PHTF2: variants seen among roughly 807,000 people sequenced by gnomAD.
The protein encoded by PHTF2 is protein PHTF2.
Under a neutral mutation model 101.2 loss-of-function variants are expected in PHTF2, and 60 were observed. The observed-to-expected ratio is 0.59, with a 90% confidence interval of 0.48 to 0.73. The LOEUF (loss-of-function observed/expected upper bound fraction) is 0.73. PHTF2 is among the 30% of genes least tolerant of loss of function. The pLI is 0.00. For missense variants in PHTF2, 747 were observed against 908.7 expected (o/e 0.82, Z 2.29); for synonymous variants, 311 against 307.3 (o/e 1.01, Z -0.13).
chr7:77,921,486 TAAAGA>T (rs1181238789), intron 10 of PHTF2, among the ~76,000 whole-genome samples: 1 of 152,166 alleles, frequency 6.6e-6, no homozygotes, highest in Non-Finnish European at 1.5e-5. Flanking sequence ...TTAAGGAAAA[TAAAGA>T]AAAGAGGATT....
At chr7:77,872,067 G>A (rs1798565608) in intron 3 of PHTF2, among the ~76,000 whole-genome samples, 2 of 152,194 alleles carry the variant, frequency 1.3e-5, no homozygotes, top group African/African-American at 4.8e-5. Flanking sequence ...GCCATATGGA[G>A]GGCTCAGTGT....
At chr7:77,847,635 TACAA>T (rs1174463781) in intron 2 of PHTF2, among the ~76,000 whole-genome samples, 1 of 152,238 alleles carries the variant, frequency 6.6e-6, no homozygotes, top group Non-Finnish European at 1.5e-5. Flanking sequence ...GATATTTTGA[TACAA>T]ACATATAATC....
In PHTF2 at chr7:77,890,022, GC is replaced by G. The variant is rs59593439; in HGVS notation, c.148-3577del. On this transcript the variant is annotated intron_variant, in intron 3 of 19. Coordinates refer to ENST00000416283, the Ensembl canonical transcript of PHTF2. ...ATCTAGTTTAAAAAAATTAAGACGC[GC>G]CCCCCCCCACCACCATGAGACATTC... Among the ~76,000 whole-genome samples, 1,308 of 146,110 alleles carry G rather than the reference GC, an allele frequency of 9.0e-3. 24 individuals are homozygous for G. The highest frequency in any genetic ancestry group is 0.031 in the African/African-American group (1,217 of 39,114).
intron 1 of PHTF2, among the ~76,000 whole-genome samples, chr7:77,814,757 C>T (rs564254223): frequency 1.6e-3 from 240 of 152,004 alleles, no homozygotes; most frequent in Non-Finnish European, 2.6e-3. Context: ...TGAGCCACCG[C>T]GCCCGGTCTG....
intron 8 of PHTF2, 91 bp from the exon 8 acceptor site, chr7:77,910,153 GT>G (rs1272996238): frequency 3.2e-6 from 3 of 950,130 alleles, no homozygotes; most frequent in Non-Finnish European, 4.7e-6. Flanking sequence ...AAGTTCCTGT[GT>G]TTATGTTTTC....
At chr7:77,847,989 C>G (rs1796443129) in intron 2 of PHTF2, among the ~76,000 whole-genome samples, 1 of 152,208 alleles carries the variant, frequency 6.6e-6, no homozygotes, top group Non-Finnish European at 1.5e-5. Context: ...GCTTATTTCA[C>G]TTAATATAAT....
At chr7:77,856,352 CTTAT>C (rs143564629) in intron 3 of PHTF2, among the ~76,000 whole-genome samples, 5,264 of 151,946 alleles carry the variant, frequency 0.035, 326 homozygotes, top group African/African-American at 0.12. Context: ...AAAATTTTTA[CTTAT>C]TTATTTATTT....
At chr7:77,849,418 G>A (rs981800353) in intron 2 of PHTF2, among the ~76,000 whole-genome samples, 1 of 152,076 alleles carries the variant, frequency 6.6e-6, no homozygotes, top group African/African-American at 2.4e-5. Context: ...GATTACAGGC[G>A]TGAGCCACTG....
At chr7:77,810,844 C>A (rs1482898882) in intron 1 of PHTF2, among the ~76,000 whole-genome samples, 2 of 151,876 alleles carry the variant, frequency 1.3e-5, no homozygotes, top group African/African-American at 2.4e-5. Flanking sequence ...AGCTGAATGA[C>A]CTTCAATTTG....
At chr7:77,817,791 A>G (rs749098144) in intron 1 of PHTF2, among the ~76,000 whole-genome samples, 1 of 152,008 alleles carries the variant, frequency 6.6e-6, no homozygotes, top group African/African-American at 2.4e-5. Context: ...TTTAAATTGG[A>G]TTGTTTGTTT....
At chr7:77,885,559 C>T (rs1014214174) in intron 3 of PHTF2, among the ~76,000 whole-genome samples, 2 of 152,174 alleles carry the variant, frequency 1.3e-5, no homozygotes, top group Non-Finnish European at 2.9e-5. Context: ...ATTCTCCTGC[C>T]TCAGCCTCCT....
intron 1 of PHTF2, among the ~76,000 whole-genome samples, chr7:77,815,919 TTTG>T (rs1793815010): frequency 6.6e-6 from 1 of 152,210 alleles, no homozygotes; most frequent in Non-Finnish European, 1.5e-5. Flanking sequence ...AAGCTTCATT[TTTG>T]TTGTTTTTTT....
intron 2 of PHTF2, among the ~76,000 whole-genome samples, chr7:77,847,663 T>A (rs1796410231): frequency 6.6e-6 from 1 of 152,234 alleles, no homozygotes; most frequent in African/African-American, 2.4e-5. Context: ...TCACTGTAAA[T>A]GGAGTATCCA....
At chr7:77,867,326 G>T in intron 3 of PHTF2, among the ~76,000 whole-genome samples, 1 of 152,074 alleles carries the variant, frequency 6.6e-6, no homozygotes, top group East Asian at 1.9e-4. Context: ...GGTCGTTTTT[G>T]TGGATGGATA....
At chr7:77,852,076 A>G (rs1246677643) in intron 2 of PHTF2, among the ~76,000 whole-genome samples, 1 of 152,186 alleles carries the variant, frequency 6.6e-6, no homozygotes, top group Non-Finnish European at 1.5e-5. Flanking sequence ...CCCAGGCTGC[A>G]GTGCAGTGGC....
At chr7:77,906,887 A>G (rs1801907807) in intron 7 of PHTF2, among the ~76,000 whole-genome samples, 1 of 150,418 alleles carries the variant, frequency 6.6e-6, no homozygotes, top group South Asian at 2.1e-4. Flanking sequence ...CAGCCTGGGC[A>G]GCAGAGCGAG....
At chr7:77,954,945 C>A in exon 20 of PHTF2, 2 of 808,006 alleles carry the variant, frequency 2.5e-6, no homozygotes, top group South Asian at 1.9e-5. Flanking sequence ...TGCCTGAAAG[C>A]TTGTCACTGA....
At chr7:77,915,769 A>G (rs1802857086) in intron 9 of PHTF2, among the ~76,000 whole-genome samples, 1 of 152,132 alleles carries the variant, frequency 6.6e-6, no homozygotes, top group African/African-American at 2.4e-5. Context: ...TGCACTGTGC[A>G]TGTCCAGGAA....
intron 7 of PHTF2, among the ~76,000 whole-genome samples, chr7:77,905,570 C>T (rs1801779689): frequency 6.6e-6 from 1 of 152,072 alleles, no homozygotes; most frequent in East Asian, 1.9e-4. Flanking sequence ...GCAGTCATGG[C>T]TCGCTGCAGC....
Sources: gnomAD v4.1 joint callset for allele counts (sites outside exome capture counted in the v4.1 genomes callset) on GRCh38, gnomAD v4.1.1 for gene constraint, MANE v1.5 for transcripts, NCBI Gene and HGNC (gene_info 2026-07-23, HGNC 2026-07-21) for gene names.